The following EXOG variants were observed in gnomAD, a reference collection of about 807,000 sequenced individuals.
EXOG encodes the protein exo/endonuclease G.
A neutral mutation model predicts 25.8 loss-of-function variants in EXOG; 27 were observed. The observed-to-expected ratio is 1.05, with a 90% CI of 0.77 to 1.45. The LOEUF (loss-of-function observed/expected upper bound fraction) is 1.45, where lower values mean the gene tolerates loss of function less well. Ranked by LOEUF, EXOG falls within the 40% of genes most tolerant of loss-of-function variation. The probability of loss-of-function intolerance (pLI) is 0.00; values close to 1 mark genes in which losing one functional copy is unlikely to be tolerated. For missense variants in EXOG, 458 were observed against 450.5 expected, an observed-to-expected ratio of 1.02 and a Z score of -0.15; for synonymous variants, 133 against 167.0, an observed-to-expected ratio of 0.80 and a Z score of 1.57.
At chr3:38,497,801 T>C in intron 2 of EXOG, 23 bp downstream of exon 2, 1 of 1,582,178 alleles carries the variant, frequency 6.3e-7, no homozygotes, top group Non-Finnish European at 8.5e-7. Flanking sequence ...ATAAAAAAAC[T>C]GAAGTAACAG....
At chr3:38,520,007 T>G (rs2060664316) in intron 5 of EXOG, among the ~76,000 whole-genome samples, 1 of 152,198 alleles carries the variant, frequency 6.6e-6, no homozygotes, top group Non-Finnish European at 1.5e-5. Flanking sequence ...CTAGTTTTAT[T>G]TTTGGAGTTT....
At position 38,524,179 on chromosome 3, in the gene EXOG, C is replaced by T. The variant is rs764322126; in HGVS notation, c.924C>T (p.Thr308=). 1 of 1,614,120 alleles carries T rather than the reference C, an allele frequency of 6.2e-7. No homozygotes were observed. The highest frequency in any genetic ancestry group is 1.1e-5 in the South Asian group (1 of 91,072). Residue 308 remains threonine, a synonymous_variant, in exon 6 of 6, where the codon ACC becomes ACT. Transcript: ENST00000287675. ...TCKLLDFQEF[T]LYLSTRKIEG... is the part of the protein sequence containing the mutation. The stretch of plus-strand genomic sequence containing the variant: ...AGCTCCTGGATTTCCAGGAGTTCAC[C>T]TTGTACTTGAGTACAAGAAAGATTG...
In EXOG at chr3:38,524,131, TA is replaced by T. The variant is rs2060811072; in HGVS notation, c.877del (p.Ile293SerfsTer19). 1.2e-6 allele frequency: 2 copies of T among 1,614,070 alleles called. No homozygotes were observed. The highest frequency in any genetic ancestry group is 4.5e-5 in the East Asian group (2 of 44,882). ...HLDRTSDIRN[I>X]CSVDTCKLLD... ...TGGATAGAACTAGTGATATCCGGAA[TA>T]TCTGCTCTGTGGACACCTGTAAGCT... On this transcript the variant is annotated frameshift_variant, in exon 6 of 6. Coordinates refer to ENST00000287675, the MANE Select transcript of EXOG (RefSeq NM_005107.4). LOFTEE classifies it low-confidence loss of function (END_TRUNC).
chr3:38,526,276 C>T lies in EXOG; in HGVS notation c.*1914C>T. The T allele has an allele frequency of 9.2e-6, 9 of 981,328 alleles. No homozygotes were observed. The highest frequency in any genetic ancestry group is 1.1e-5 in the Non-Finnish European group (9 of 826,296). The allele number at this position is 981,328 out of a possible 1,614,324, so 60.8% of individuals were successfully genotyped here. A position where few individuals can be genotyped will look rare whatever the true frequency, so the allele number is the denominator to read the frequency against. ...GTTTGTTCTAAGAGAAATGCCAAGG[C>T]TTTCAGATAAAGATAAGATGATAAT... is the stretch of plus-strand genomic sequence containing the variant. On this transcript the variant is annotated 3_prime_UTR_variant, in exon 6 of 6. Coordinates refer to ENST00000287675, the MANE Select transcript of EXOG (RefSeq NM_005107.4).
At chr3:38,496,607 T>C in intron 1 of EXOG, 77 bp downstream of exon 1, 1 of 1,539,514 alleles carries the variant, frequency 6.5e-7, no homozygotes, top group Non-Finnish European at 8.7e-7. Context: ...TGAATGGCAG[T>C]CCTTGACGGA....
chr3:38,497,059 G>A lies in EXOG; in HGVS notation c.163+529G>A, dbSNP rs1193335271. 15 of 980,858 alleles carry A rather than the reference G, an allele frequency of 1.5e-5. No homozygotes were observed. The African/African-American group carries it at 1.7e-4, about 11-fold the overall frequency. The allele number at this position is 980,858 out of a possible 1,614,324, so 60.8% of individuals were successfully genotyped here. ...GTGTATAAAAACTCATGTTGCAATG[G>A]GTACCTTATATTTGACAAAAAAAAA... On this transcript the variant is annotated intron_variant, in intron 1 of 5. Transcript: ENST00000287675.
chr3:38,525,755 C>A lies in EXOG; in HGVS notation c.*1393C>A. Reference sequence around the variant, plus strand: ...CCCAGGAGTTTGAGACCAGCCTGGGCAACATAATGAAACCCTATCTTTACA... The same window carrying A: ...CCCAGGAGTTTGAGACCAGCCTGGGAAACATAATGAAACCCTATCTTTACA... On this transcript the variant is annotated 3_prime_UTR_variant, in exon 6 of 6. Transcript: ENST00000287675. 6.0e-6 allele frequency: 3 copies of A among 496,056 alleles called. No individual in the cohort carries two copies. The highest frequency in any genetic ancestry group is 7.8e-6 in the Non-Finnish European group (3 of 382,952). 30.7% of individuals were successfully genotyped at this position (496,056 alleles called of 1,614,324 possible).
At chr3:38,517,597 G>A (rs1575664494) in intron 5 of EXOG, among the ~76,000 whole-genome samples, 1 of 152,308 alleles carries the variant, frequency 6.6e-6, no homozygotes, top group East Asian at 1.9e-4. Flanking sequence ...TTAGCCTTTT[G>A]TAGTGGATGG....
rs915371691 is a variant in EXOG, at chr3:38,524,487, G to A, written c.*125G>A. On this transcript the variant is annotated 3_prime_UTR_variant, in exon 6 of 6. Transcript: ENST00000287675. ...TTTTCTCTTTAAGAGATGTGGTCTCGCCGTGTCATCCAGGCTGGAGTGCAG... is the reference window on the plus strand; with the variant it reads ...TTTTCTCTTTAAGAGATGTGGTCTCACCGTGTCATCCAGGCTGGAGTGCAG... The A allele has an allele frequency of 2.7e-5, 38 of 1,414,964 alleles. 1 individual carries two copies. In the African/African-American group the frequency reaches 4.2e-4, roughly 16 times the overall value. 87.7% of individuals were successfully genotyped at this position (1,414,964 alleles called of 1,614,324 possible). A position where few individuals can be genotyped will look rare whatever the true frequency, so the allele number is the denominator to read the frequency against.
At chr3:38,497,570 TTG>T (rs944908958) in intron 1 of EXOG, 57 bp from the exon 2 acceptor site, 114 of 1,502,558 alleles carry the variant, frequency 7.6e-5, no homozygotes, top group Admixed American at 2.2e-4. Flanking sequence ...GAGCCACTAA[TTG>T]TGTGTGTGTG....
intron 1 of EXOG, chr3:38,496,874 C>G: frequency 1.6e-6 from 2 of 1,260,256 alleles, no homozygotes; most frequent in Non-Finnish European, 2.1e-6. Flanking sequence ...GAGACTATGT[C>G]TGTTTTGGTC....
At chr3:38,520,223 T>G (rs2060672594) in intron 5 of EXOG, among the ~76,000 whole-genome samples, 1 of 152,186 alleles carries the variant, frequency 6.6e-6, no homozygotes, top group African/African-American at 2.4e-5. Context: ...TGGCAAATTG[T>G]CATTTCTGTC....
In EXOG at chr3:38,525,678, C is replaced by T; in HGVS notation, c.*1316C>T. The T allele has an allele frequency of 1.0e-6, 1 of 973,424 alleles. No homozygotes were observed. The highest frequency in any genetic ancestry group is 1.2e-6 in the Non-Finnish European group (1 of 818,992). 60.3% of individuals were successfully genotyped at this position (973,424 alleles called of 1,614,324 possible). On this transcript the variant is annotated 3_prime_UTR_variant, in exon 6 of 6. Coordinates refer to ENST00000287675, the MANE Select transcript of EXOG (RefSeq NM_005107.4). Reference sequence around the variant, plus strand: ...GGATCTGCAGCCAGGCATGGTGGCTCAGGCCTATAATCTCAGCACTTTGGG... The same window carrying T: ...GGATCTGCAGCCAGGCATGGTGGCTTAGGCCTATAATCTCAGCACTTTGGG...
intron 4 of EXOG, 46 bp from the exon 5 acceptor site, chr3:38,506,808 A>G: frequency 1.1e-6 from 1 of 899,404 alleles, no homozygotes; most frequent in East Asian, 2.6e-5. Flanking sequence ...GCTGTCTTAC[A>G]TGTATATATG....
intron 4 of EXOG, among the ~76,000 whole-genome samples, chr3:38,505,170 TTTG>T (rs1201465392): frequency 2.0e-5 from 3 of 152,236 alleles, no homozygotes; most frequent in East Asian, 1.9e-4. Flanking sequence ...TCTTTAATTT[TTTG>T]TTGTTGTTGG....
chr3:38,515,795 G>T, intron 5 of EXOG: 1 of 154,512 alleles, frequency 6.5e-6, no homozygotes, highest in South Asian at 1.8e-4. Flanking sequence ...GCACTTGGTT[G>T]GCAGGCAAGT....
rs1559682668 is a variant in EXOG, at chr3:38,506,954, A to G, written c.631A>G (p.Ile211Val). 2.7e-6 allele frequency: 4 copies of G among 1,488,580 alleles called. No individual in the cohort carries two copies. In the African/African-American group the frequency reaches 5.5e-5, roughly 21 times the overall value. The allele number at this position is 1,488,580 out of a possible 1,614,324, so 92.2% of individuals were successfully genotyped here. A position where few individuals can be genotyped will look rare whatever the true frequency, so the allele number is the denominator to read the frequency against. Reference protein sequence around the residue: ...LPQTRGDGKKIVSYQVIGEDN... With the variant: ...LPQTRGDGKKVVSYQVIGEDN... Reference sequence around the variant, plus strand: ...TCAGACTAGAGGCGATGGAAAGAAAATAGTTAGTTACCAGGTAAGGATGTT... The same window carrying G: ...TCAGACTAGAGGCGATGGAAAGAAAGTAGTTAGTTACCAGGTAAGGATGTT... Residue 211 changes from isoleucine to valine, a missense_variant, in exon 5 of 6, where the codon ATA becomes GTA. Physicochemically the swap from Ile to Val is conservative, Grantham distance 29. Transcript: ENST00000287675.
In EXOG at chr3:38,525,909, ACGC is replaced by A; in HGVS notation, c.*1549_*1551del. 1 of 891,086 alleles carries A rather than the reference ACGC, an allele frequency of 1.1e-6. No homozygotes were observed. The highest frequency in any genetic ancestry group is 1.3e-6 in the Non-Finnish European group (1 of 743,934). The allele number at this position is 891,086 out of a possible 1,614,324, so 55.2% of individuals were successfully genotyped here. A position where few individuals can be genotyped will look rare whatever the true frequency, so the allele number is the denominator to read the frequency against. ...CGATGGGACATGGTCATGCCACTGG[ACGC>A]CAGCCTGGGCCACAGAGGGAGACCC... On this transcript the variant is annotated 3_prime_UTR_variant, in exon 6 of 6. Coordinates refer to ENST00000287675, the MANE Select transcript of EXOG (RefSeq NM_005107.4).
At chr3:38,496,600 ATGGCAGTCCT>A (rs1288756208) in intron 1 of EXOG, 70 bp downstream of exon 1, 9 of 1,551,492 alleles carry the variant, frequency 5.8e-6, no homozygotes, top group Non-Finnish European at 6.9e-6. Context: ...TGGAGTGTGA[ATGGCAGTCCT>A]TGACGGACAG....
Sources: allele counts gnomAD v4.1 joint callset (sites outside exome capture counted in the v4.1 genomes callset), GRCh38; gene constraint gnomAD v4.1.1; transcripts MANE v1.5; gene names NCBI Gene and HGNC (gene_info 2026-07-23, HGNC 2026-07-21).